ABRAXAS2: variants seen among roughly 807,000 people sequenced by gnomAD.
ABRAXAS2 encodes BRISC complex subunit Abraxas 2.
Under a neutral mutation model 49.0 loss-of-function variants are expected in ABRAXAS2, and 23 were observed. That is an observed-to-expected ratio of 0.47 (90% CI 0.34 to 0.66). The LOEUF is 0.66. ABRAXAS2 is among the 30% of genes least tolerant of loss of function. ABRAXAS2 has a pLI of 0.01. For synonymous variants in ABRAXAS2, 168 were observed against 180.2 expected (o/e 0.93, Z 0.54); for missense variants, 443 against 511.9 (o/e 0.87, Z 1.30).
chr10:124,814,188 AC>A (rs1279798881), intron 2 of ABRAXAS2, among the ~76,000 whole-genome samples: 2 of 151,604 alleles, frequency 1.3e-5, no homozygotes, highest in Non-Finnish European at 2.9e-5. Context: ...ATGGGGTTTC[AC>A]CTTTTGGTCA....
intron 5 of ABRAXAS2, 64 bp downstream of exon 5, chr10:124,826,849 T>C (rs1589809354): frequency 6.0e-6 from 9 of 1,495,376 alleles, no homozygotes; most frequent in Non-Finnish European, 8.3e-6. Flanking sequence ...CGTGGTGGCT[T>C]ACGCCTGTAA....
intron 8 of ABRAXAS2, among the ~76,000 whole-genome samples, chr10:124,832,955 G>C (rs1417512368): frequency 6.6e-6 from 1 of 151,510 alleles, no homozygotes; most frequent in Non-Finnish European, 1.5e-5. Flanking sequence ...AGACCAGCCT[G>C]ACCAACATGG....
chr10:124,825,630 A>G (rs1950891824), intron 4 of ABRAXAS2, among the ~76,000 whole-genome samples: 1 of 152,196 alleles, frequency 6.6e-6, no homozygotes, highest in South Asian at 2.1e-4. Flanking sequence ...TCAATTTACT[A>G]TTAATTTTAA....
chr10:124,820,090 A>G (rs1182924279), intron 4 of ABRAXAS2, among the ~76,000 whole-genome samples: 1 of 152,252 alleles, frequency 6.6e-6, no homozygotes, highest in Admixed American at 6.5e-5. Flanking sequence ...TCAACTTGTC[A>G]AACAGAAAAC....
Position 124,831,340 on chromosome 10 carries a change from T to C in ABRAXAS2, c.664-9T>C. The C allele has an allele frequency of 6.3e-7, 1 of 1,578,050 alleles. No individual in the cohort carries two copies. The highest frequency in any genetic ancestry group is 8.7e-7 in the Non-Finnish European group (1 of 1,148,038). ...TTGAAGCTAACCTCGTTGTCATTTT[T>C]TTCCTCAGGCAGTGTGTGCAGATGT... On this transcript the variant is annotated splice_polypyrimidine_tract_variant and intron_variant, in intron 7 of 8. Transcript: ENST00000298492.
At chr10:124,831,252 C>T in intron 7 of ABRAXAS2, 97 bp from the exon 8 acceptor site, 1 of 744,686 alleles carries the variant, frequency 1.3e-6, no homozygotes, top group Non-Finnish European at 2.4e-6. Context: ...ACTCAATAAA[C>T]CATCTGGACT....
In ABRAXAS2 at chr10:124,831,425, A is replaced by G; in HGVS notation, c.740A>G (p.Gln247Arg). Residue 247 changes from glutamine to arginine, a missense_variant, in exon 8 of 9, where the codon CAA becomes CGA. Physicochemically the swap from Gln to Arg is conservative, Grantham distance 43. Transcript: ENST00000298492. ...GCAGAAGTGAACAAATTAAGAAGACAAATCACTCAGAGGAAAAATGAAAAG... is the reference window on the plus strand; with the variant it reads ...GCAGAAGTGAACAAATTAAGAAGACGAATCACTCAGAGGAAAAATGAAAAG... ...CQAEVNKLRR[Q>R]ITQRKNEKEQ... is the part of the protein sequence containing the mutation. 1 of 1,609,944 alleles carries G rather than the reference A, an allele frequency of 6.2e-7. No homozygotes were observed. The highest frequency in any genetic ancestry group is 8.5e-7 in the Non-Finnish European group (1 of 1,176,830).
Position 124,826,699 on chromosome 10 carries a change from C to T in ABRAXAS2, c.372C>T (p.Asp124=). ...KQLTRILGVP[D]LVFLLFSFIS... is the part of the protein sequence containing the mutation. ...TCACCCGCATCCTCGGCGTGCCCGACCTCGTCTTTCTTCTCTTCAGCTTCA... is the reference window on the plus strand; with the variant it reads ...TCACCCGCATCCTCGGCGTGCCCGATCTCGTCTTTCTTCTCTTCAGCTTCA... Residue 124 remains aspartate, a synonymous_variant, in exon 5 of 9, where the codon GAC becomes GAT. Coordinates refer to ENST00000298492, the MANE Select transcript of ABRAXAS2 (RefSeq NM_032182.4). 6.2e-7 allele frequency: 1 copy of T among 1,614,206 alleles called. No individual in the cohort carries two copies. The highest frequency in any genetic ancestry group is 8.5e-7 in the Non-Finnish European group (1 of 1,180,050).
intron 6 of ABRAXAS2, 32 bp from the exon 7 acceptor site, chr10:124,829,361 C>G (rs369869632): frequency 6.8e-6 from 10 of 1,462,412 alleles, no homozygotes; most frequent in African/African-American, 4.1e-5. Flanking sequence ...TTATGATAAC[C>G]TTGAGGCATC....
intron 2 of ABRAXAS2, among the ~76,000 whole-genome samples, chr10:124,814,772 G>A (rs889306847): frequency 2.0e-5 from 3 of 151,326 alleles, no homozygotes; most frequent in Non-Finnish European, 4.4e-5. Flanking sequence ...TCAGCCTCCC[G>A]AGTAGCTGGG....
chr10:124,821,331 C>G (rs570396043), intron 4 of ABRAXAS2, among the ~76,000 whole-genome samples: 1 of 152,040 alleles, frequency 6.6e-6, no homozygotes, highest in African/African-American at 2.4e-5. Flanking sequence ...CTTGGGGAGG[C>G]GGAGGCAGGT....
chr10:124,819,961 G>T (rs7911107), intron 4 of ABRAXAS2, among the ~76,000 whole-genome samples: 8,759 of 152,126 alleles, frequency 0.058, 823 homozygotes, highest in African/African-American at 0.2. Context: ...TAATGCCATT[G>T]GTAATTTACC....
intron 4 of ABRAXAS2, among the ~76,000 whole-genome samples, chr10:124,825,356 A>G (rs2559515): frequency 0.17 from 25,365 of 150,916 alleles, 2,701 homozygotes; most frequent in Non-Finnish European, 0.24. Context: ...CCTGAGAGAA[A>G]GGCTTGGGTT....
chr10:124,820,973 G>T (rs1950857818), intron 4 of ABRAXAS2, among the ~76,000 whole-genome samples: 3 of 151,892 alleles, frequency 2.0e-5, no homozygotes, highest in African/African-American at 7.3e-5. Context: ...GAGTGCAGTG[G>T]CATGATCATG....
intron 2 of ABRAXAS2, among the ~76,000 whole-genome samples, chr10:124,813,056 C>T (rs1197928504): frequency 6.6e-6 from 1 of 152,088 alleles, no homozygotes. Flanking sequence ...ACAAAATTAG[C>T]CAGGCGAGGT....
At position 124,831,840 on chromosome 10, in the gene ABRAXAS2, G is replaced by GTATTTTTTTTTTTTTTTT. The variant is rs1564925948; in HGVS notation, c.778+378_778+379insATTTTTTTTTTTTTTTTT. On this transcript the variant is annotated intron_variant, in intron 8 of 8. Coordinates refer to ENST00000298492, the MANE Select transcript of ABRAXAS2 (RefSeq NM_032182.4). ...GTCCAGCAGGTAGGCACTGTGTCCT[G>GTATTTTTTTTTTTTTTTT]TCTTTTTTTTTTTTTTTTTTTTTTT... 8.5e-5 allele frequency among the ~76,000 whole-genome samples: 9 copies of GTATTTTTTTTTTTTTTTT among 106,208 alleles called. 2 individuals carry two copies. The highest frequency in any genetic ancestry group is 9.1e-5 in the Non-Finnish European group (5 of 54,864). The allele number at this position is 106,208 out of a possible 152,430, so 69.7% of individuals were successfully genotyped here.
intron 4 of ABRAXAS2, among the ~76,000 whole-genome samples, chr10:124,821,939 G>A (rs570179882): frequency 1.2e-3 from 186 of 152,316 alleles, no homozygotes; most frequent in African/African-American, 4.4e-3. Flanking sequence ...CACGCTTCAC[G>A]TGTATTGATA....
intron 8 of ABRAXAS2, among the ~76,000 whole-genome samples, chr10:124,833,618 G>C (rs1323929180): frequency 1.3e-5 from 2 of 152,204 alleles, no homozygotes; most frequent in East Asian, 3.8e-4. Flanking sequence ...AGTGAGGTCT[G>C]ATACTTACAA....
At chr10:124,807,416 G>A (rs1009851460) in intron 2 of ABRAXAS2, among the ~76,000 whole-genome samples, 5 of 151,938 alleles carry the variant, frequency 3.3e-5, no homozygotes, top group African/African-American at 9.7e-5. Flanking sequence ...ACTTTGGGAG[G>A]CTGAGGCAGG....
Sources: gnomAD v4.1 joint callset for allele counts (sites outside exome capture counted in the v4.1 genomes callset) on GRCh38, gnomAD v4.1.1 for gene constraint, MANE v1.5 for transcripts, NCBI Gene and HGNC (gene_info 2026-07-23, HGNC 2026-07-21) for gene names.